The following SLC2A13 variants were observed in gnomAD, a reference collection of about 807,000 sequenced individuals.
SLC2A13 encodes proton myo-inositol cotransporter.
SLC2A13 carries 32 observed loss-of-function variants against 64.4 expected under a neutral mutation model. The observed-to-expected ratio is 0.50, with a 90% CI of 0.37 to 0.67. The LOEUF (loss-of-function observed/expected upper bound fraction) is 0.67. Ranked by LOEUF, SLC2A13 falls within the 30% of genes least tolerant of loss-of-function variation. The pLI is 0.00. For synonymous variants in SLC2A13, 338 were observed against 327.1 expected, an observed-to-expected ratio of 1.03 and a Z score of -0.36; for missense variants, 743 against 829.2, an observed-to-expected ratio of 0.90 and a Z score of 1.28.
At chr12:39,878,554 T>G (rs564587052) in intron 4 of SLC2A13, among the ~76,000 whole-genome samples, 1 of 152,320 alleles carries the variant, frequency 6.6e-6, no homozygotes, top group African/African-American at 2.4e-5. Context: ...TTGAGATTGA[T>G]TACTACAGTA....
At chr12:39,980,915 T>C (rs957739809) in intron 3 of SLC2A13, among the ~76,000 whole-genome samples, 3 of 151,774 alleles carry the variant, frequency 2.0e-5, no homozygotes, top group Non-Finnish European at 2.9e-5. Flanking sequence ...ATTGACCACA[T>C]AGTTGGAAGG....
At chr12:39,849,576 C>T (rs1383255737) in intron 6 of SLC2A13, among the ~76,000 whole-genome samples, 4 of 152,114 alleles carry the variant, frequency 2.6e-5, no homozygotes, top group Non-Finnish European at 4.4e-5. Context: ...TAAATTGTTC[C>T]TTTGTGACTC....
chr12:39,888,471 G>A (rs921120274), intron 4 of SLC2A13, among the ~76,000 whole-genome samples: 30 of 152,220 alleles, frequency 2.0e-4, no homozygotes, highest in Admixed American at 6.5e-4. Flanking sequence ...GTAATCCACC[G>A]TCCTCGGCCT....
intron 4 of SLC2A13, among the ~76,000 whole-genome samples, chr12:39,895,334 C>T (rs1307834919): frequency 6.6e-6 from 1 of 150,962 alleles, no homozygotes; most frequent in Non-Finnish European, 1.5e-5. Flanking sequence ...ACTAAAAATA[C>T]AAAAAATTAG....
At chr12:39,794,547 C>G (rs1320821972) in intron 7 of SLC2A13, among the ~76,000 whole-genome samples, 2 of 152,184 alleles carry the variant, frequency 1.3e-5, no homozygotes, top group African/African-American at 4.8e-5. Context: ...AGCCAAACTT[C>G]AGACAACCAC....
At chr12:40,078,974 G>A (rs1210783779) in intron 1 of SLC2A13, among the ~76,000 whole-genome samples, 1 of 152,028 alleles carries the variant, frequency 6.6e-6, no homozygotes, top group Non-Finnish European at 1.5e-5. Flanking sequence ...CTGTGGGGTT[G>A]GTGGTAATGT....
intron 2 of SLC2A13, among the ~76,000 whole-genome samples, chr12:40,038,233 T>G (rs1948022147): frequency 6.6e-6 from 1 of 152,220 alleles, no homozygotes; most frequent in African/African-American, 2.4e-5. Flanking sequence ...TTCCTTCTGA[T>G]TTCTCCTTAG....
intron 3 of SLC2A13, among the ~76,000 whole-genome samples, chr12:40,004,483 C>T (rs1386358558): frequency 6.6e-6 from 1 of 152,172 alleles, no homozygotes; most frequent in African/African-American, 2.4e-5. Context: ...CATACCCGGC[C>T]ACTGTACCAT....
chr12:39,837,903 C>G (rs1234621929), intron 6 of SLC2A13, among the ~76,000 whole-genome samples: 1 of 150,872 alleles, frequency 6.6e-6, no homozygotes, highest in African/African-American at 2.4e-5. Flanking sequence ...GGACTGTAAA[C>G]TAGTTCAACC....
chr12:39,840,402 C>T (rs1399029283), intron 6 of SLC2A13, among the ~76,000 whole-genome samples: 1 of 152,004 alleles, frequency 6.6e-6, no homozygotes, highest in African/African-American at 2.4e-5. Flanking sequence ...TTTTTAAATC[C>T]TAAAGAGCTT....
intron 3 of SLC2A13, among the ~76,000 whole-genome samples, chr12:39,985,655 C>T (rs1007358095): frequency 6.6e-6 from 1 of 152,078 alleles, no homozygotes; most frequent in African/African-American, 2.4e-5. Flanking sequence ...ACATCTAAAG[C>T]TTGAATGCTA....
At chr12:40,064,270 G>C (rs537978552) in intron 1 of SLC2A13, among the ~76,000 whole-genome samples, 2 of 151,964 alleles carry the variant, frequency 1.3e-5, no homozygotes, top group South Asian at 4.2e-4. Context: ...ATTATATTAT[G>C]TGTATTGTGT....
intron 7 of SLC2A13, among the ~76,000 whole-genome samples, chr12:39,805,380 G>A (rs1380702625): frequency 1.3e-5 from 2 of 152,098 alleles, no homozygotes; most frequent in Non-Finnish European, 2.9e-5. Context: ...TGGGGTGGCT[G>A]GAGCAGGTGT....
chr12:40,009,278 T>A (rs774278185), intron 3 of SLC2A13, among the ~76,000 whole-genome samples: 6 of 152,148 alleles, frequency 3.9e-5, no homozygotes, highest in Non-Finnish European at 7.4e-5. Context: ...TAACTTAAAC[T>A]AATTAAAGAA....
chr12:40,039,856 T>C (rs555678294), intron 2 of SLC2A13, among the ~76,000 whole-genome samples: 1 of 152,346 alleles, frequency 6.6e-6, no homozygotes, highest in East Asian at 1.9e-4. Flanking sequence ...GGTTTCACTC[T>C]TGGTGCTATA....
At chr12:39,820,775 A>ATATATATC in intron 7 of SLC2A13, among the ~76,000 whole-genome samples, 1 of 50,380 alleles carries the variant, frequency 2.0e-5, no homozygotes, top group Non-Finnish European at 3.9e-5. Context: ...ATATATATAT[A>ATATATATC]TAAAGCAACA....
intron 6 of SLC2A13, 69 bp from the exon 7 acceptor site, chr12:39,830,297 TG>T (rs1592180529): frequency 6.4e-7 from 1 of 1,554,138 alleles, no homozygotes; most frequent in East Asian, 2.3e-5. Flanking sequence ...CTGGATTCCA[TG>T]TGCTTCTCTG....
intron 3 of SLC2A13, among the ~76,000 whole-genome samples, chr12:40,016,036 CAT>C (rs1391720228): frequency 2.0e-5 from 3 of 152,114 alleles, no homozygotes; most frequent in African/African-American, 7.2e-5. Flanking sequence ...AGAAAAGTCA[CAT>C]GATTGCTCTT....
Position 40,023,194 on chromosome 12 carries a change from G to A in SLC2A13, c.925+5107C>T, listed in dbSNP as rs562634186. On this transcript the variant is annotated intron_variant, in intron 3 of 9. Transcript: ENST00000280871. ...TCTAGAGAAAGCTTTTGTTGTTCAT[G>A]CTTTTGTTGTTCATGCTTTCCTTCC... Among the ~76,000 whole-genome samples the A allele has an allele frequency of 1.3e-3, 197 of 152,316 alleles. 1 individual carries two copies. The highest frequency in any genetic ancestry group is 1.7e-3 in the Non-Finnish European group (115 of 68,036).
Sources: allele counts gnomAD v4.1 joint callset (sites outside exome capture counted in the v4.1 genomes callset), GRCh38; gene constraint gnomAD v4.1.1; transcripts MANE v1.5; gene names NCBI Gene and HGNC (gene_info 2026-07-23, HGNC 2026-07-21).